CA8: variants seen among roughly 807,000 people sequenced by gnomAD.
The protein encoded by CA8 is carbonic anhydrase 8 (inactive), also known as carbonic anhydrase-related protein.
CA8 carries 22 observed loss-of-function variants against 41.4 expected under a neutral mutation model. That is an observed-to-expected ratio of 0.53 (90% confidence interval 0.38 to 0.76). The LOEUF (loss-of-function observed/expected upper bound fraction) is 0.76. Ranked by LOEUF, CA8 falls within the 30% of genes least tolerant of loss-of-function variation. The pLI, the probability that CA8 is intolerant of heterozygous loss-of-function variation, is 0.00. For missense variants in CA8, 270 were observed against 352.8 expected (o/e 0.77, Z 1.88); for synonymous variants, 121 against 130.6 (o/e 0.93, Z 0.50).
Position 60,232,373 on chromosome 8 carries a change from G to T in CA8, c.424C>A (p.Leu142Met). 2 of 1,612,392 alleles carry T rather than the reference G, an allele frequency of 1.2e-6. No homozygotes were observed. The highest frequency in any genetic ancestry group is 1.7e-6 in the Non-Finnish European group (2 of 1,178,384). ...AACAGAGTGGAGTTCCAGTGGATCA[G>T]ATGGAGCTGAGTGAGTGGCAACAGA... ...NFKAFPMELH[L>M]IHWNSTLFGS... Residue 142 changes from leucine to methionine, a missense_variant, in exon 4 of 9, where the codon CTG becomes ATG. This residue lies in a region of CA8 where 141 missense variants were observed against 191.6 expected (regional missense o/e 0.74). Transcript: ENST00000317995.
At chr8:60,232,426 C>T in intron 3 of CA8, 47 bp from the exon 4 acceptor site, 1 of 1,273,460 alleles carries the variant, frequency 7.9e-7, no homozygotes, top group Non-Finnish European at 1.2e-6. Context: ...TGTGCTACTT[C>T]TAATCATAAA....
intron 3 of CA8, among the ~76,000 whole-genome samples, chr8:60,253,993 G>A (rs955673683): frequency 3.9e-5 from 6 of 152,138 alleles, no homozygotes; most frequent in Admixed American, 3.9e-4. Context: ...ATCTCTCACG[G>A]TCATACCCTC....
intron 3 of CA8, among the ~76,000 whole-genome samples, chr8:60,258,066 T>C (rs766942706): frequency 9.9e-5 from 15 of 152,198 alleles, no homozygotes; most frequent in Non-Finnish European, 1.8e-4. Flanking sequence ...TGCTGCTACA[T>C]CTCGCCCAGA....
intron 2 of CA8, among the ~76,000 whole-genome samples, chr8:60,273,062 C>A (rs141974647): frequency 1.6e-3 from 240 of 152,256 alleles, no homozygotes; most frequent in African/African-American, 5.6e-3. Flanking sequence ...TGGTTGCTCT[C>A]ATGTATAGTA....
chr8:60,261,335 C>A (rs1803725701), intron 3 of CA8, among the ~76,000 whole-genome samples: 1 of 152,162 alleles, frequency 6.6e-6, no homozygotes, highest in Non-Finnish European at 1.5e-5. Context: ...TTTCAGAGTA[C>A]ACAGAGCAAC....
rs73685413 is a variant in CA8 at position 60,267,511 on chromosome 8, C to T, written c.293-1462G>A. On this transcript the variant is annotated intron_variant, in intron 2 of 8. Coordinates refer to ENST00000317995, the MANE Select transcript of CA8 (RefSeq NM_004056.6). ...TTAGATTTTAGTGTTTGTCCTCATG[C>T]TTGGTCTGATTTAGGTCACACAACA... Among the ~76,000 whole-genome samples the T allele has an allele frequency of 1.2e-3, 178 of 152,286 alleles. 1 individual carries two copies. Among genetic ancestry groups the T allele is most frequent in the African/African-American group, 4.1e-3 (171 of 41,562 alleles).
intron 3 of CA8, among the ~76,000 whole-genome samples, chr8:60,243,622 T>C (rs1808117996): frequency 6.6e-6 from 1 of 152,096 alleles, no homozygotes; most frequent in Non-Finnish European, 1.5e-5. Flanking sequence ...CATACCACCC[T>C]GAACGCGCCC....
chr8:60,192,985 A>C (rs113379181), intron 8 of CA8, among the ~76,000 whole-genome samples: 2 of 138,938 alleles, frequency 1.4e-5, no homozygotes, highest in African/African-American at 5.4e-5. Flanking sequence ...ACCCCACCCC[A>C]TATGAACCCT....
At chr8:60,279,443 G>GT (rs887979916) in intron 2 of CA8, among the ~76,000 whole-genome samples, 2 of 152,158 alleles carry the variant, frequency 1.3e-5, no homozygotes, top group African/African-American at 4.8e-5. Context: ...TCAAACTAAG[G>GT]TTTTTCCAGT....
intron 8 of CA8, among the ~76,000 whole-genome samples, chr8:60,190,938 C>CACTATATATATATATATATATATATA (rs1018035216): frequency 5.1e-5 from 6 of 117,316 alleles, no homozygotes; most frequent in African/African-American, 1.4e-4. Context: ...CACACACACA[C>CACTATATATATATATATATATATATA]TATATATATA....
In CA8 at chr8:60,185,756, A is replaced by T. The variant is rs1278177060; in HGVS notation, c.*4265T>A. On this transcript the variant is annotated 3_prime_UTR_variant, in exon 9 of 9. Transcript: ENST00000317995. ...TAGCCCATATAAACAAAAACTAAAG[A>T]TTTGTCCCTATCAGATTTGCCTTAT... 2.0e-5 allele frequency among the ~76,000 whole-genome samples: 3 copies of T among 152,024 alleles called. No homozygotes were observed. Among genetic ancestry groups the T allele is most frequent in the African/African-American group, 7.2e-5 (3 of 41,404 alleles).
At chr8:60,226,698 C>T (rs998963753) in intron 5 of CA8, among the ~76,000 whole-genome samples, 175 bp downstream of exon 5, 4 of 152,116 alleles carry the variant, frequency 2.6e-5, no homozygotes, top group South Asian at 4.1e-4. Context: ...TCATTCCATG[C>T]GCCTTTTCCC....
intron 4 of CA8, 66 bp from the exon 5 acceptor site, chr8:60,227,001 A>C: frequency 8.7e-7 from 1 of 1,149,342 alleles, no homozygotes. Context: ...ACTAAAAAAA[A>C]ACTAATAGGG....
At chr8:60,265,754 G>T in intron 3 of CA8, 171 bp downstream of exon 3, 1 of 699,040 alleles carries the variant, frequency 1.4e-6, no homozygotes, top group Non-Finnish European at 2.4e-6. Flanking sequence ...TAGACAGGAG[G>T]TTTCATGTGC....
At chr8:60,216,311 C>A (rs1036004670) in intron 7 of CA8, among the ~76,000 whole-genome samples, 22 of 140,710 alleles carry the variant, frequency 1.6e-4, no homozygotes, top group Admixed American at 6.0e-4. Context: ...ATAATTTTTT[C>A]TAAATCACTC....
At chr8:60,234,259 G>A (rs1230959591) in intron 3 of CA8, among the ~76,000 whole-genome samples, 1 of 152,122 alleles carries the variant, frequency 6.6e-6, no homozygotes, top group Non-Finnish European at 1.5e-5. Context: ...CAGAAACAAG[G>A]AAAGCCTGAG....
At chr8:60,201,557 G>T (rs938926011) in intron 8 of CA8, among the ~76,000 whole-genome samples, 12 of 152,182 alleles carry the variant, frequency 7.9e-5, no homozygotes, top group Admixed American at 7.9e-4. Context: ...CCAGTAAAAT[G>T]AGGTCTAAAA....
chr8:60,247,790 A>AAATGGTATT (rs1808302476), intron 3 of CA8, among the ~76,000 whole-genome samples: 2 of 152,240 alleles, frequency 1.3e-5, no homozygotes, highest in Admixed American at 1.3e-4. Context: ...ATTGCGTATC[A>AAATGGTATT]AATGGTATTT....
intron 2 of CA8, among the ~76,000 whole-genome samples, chr8:60,267,950 C>T (rs1803953658): frequency 6.6e-6 from 1 of 152,180 alleles, no homozygotes; most frequent in South Asian, 2.1e-4. Context: ...CGTTTCTAAA[C>T]AACCTCACAA....
Sources: gnomAD v4.1 joint callset for allele counts (sites outside exome capture counted in the v4.1 genomes callset) on GRCh38, gnomAD v4.1.1 for gene constraint, gnomAD v4.1.1 regional missense constraint, MANE v1.5 for transcripts, NCBI Gene and HGNC (gene_info 2026-07-23, HGNC 2026-07-21) for gene names.